Variants in CCDC80 observed in about 807,000 individuals in gnomAD.
CCDC80 encodes coiled-coil domain containing 80.
Under a neutral mutation model 78.7 loss-of-function variants are expected in CCDC80, and 49 were observed. That is an observed-to-expected ratio of 0.62 (90% CI 0.50 to 0.79). The LOEUF is 0.79. Among genes scored for constraint, CCDC80 ranks in the 30% least tolerant of loss-of-function variants. The pLI is 0.00. For missense variants in CCDC80, 1,205 were observed against 1,198.6 expected (o/e 1.01, Z -0.08); for synonymous variants, 488 against 447.0 (o/e 1.09, Z -1.16).
rs182365848 is a variant in CCDC80, at chr3:112,626,306, G to A, written c.2035+3807C>T. Among the ~76,000 whole-genome samples the A allele has an allele frequency of 7.0e-4, 107 of 152,272 alleles. 1 individual carries two copies. Among genetic ancestry groups the A allele is most frequent in the Non-Finnish European group, 3.1e-4 (21 of 68,008 alleles). On this transcript the variant is annotated intron_variant, in intron 3 of 7. Transcript: ENST00000206423. ...TCATCCTGCCTCTCCTCCCAGCTCA[G>A]TGTTGCAGGGTCTAGAGAAGGCAGC...
At position 112,640,455 on chromosome 3, in the gene CCDC80, A is replaced by G. The variant is rs974023811; in HGVS notation, c.-140T>C. ...TCTCTTTACCGAGGGTGAGCAATAC[A>G]AAAGGGGTGTGCTGCAGCTCCAGCT... is the stretch of plus-strand genomic sequence containing the variant. On this transcript the variant is annotated 5_prime_UTR_variant, in exon 1 of 8. Coordinates refer to ENST00000206423, the MANE Select transcript of CCDC80 (RefSeq NM_199511.3). The G allele has an allele frequency of 6.4e-6, 1 of 156,724 alleles. No individual in the cohort carries two copies. The highest frequency in any genetic ancestry group is 1.9e-4 in the East Asian group (1 of 5,270). 9.7% of individuals were successfully genotyped at this position (156,724 alleles called of 1,614,324 possible).
At chr3:112,621,690 T>A (rs948183596) in intron 3 of CCDC80, among the ~76,000 whole-genome samples, 5 of 152,214 alleles carry the variant, frequency 3.3e-5, no homozygotes. Flanking sequence ...AGTTGCTACC[T>A]TCACAACTAA....
chr3:112,611,179 C>G (rs1193941009), intron 5 of CCDC80, among the ~76,000 whole-genome samples: 1 of 152,156 alleles, frequency 6.6e-6, no homozygotes, highest in Non-Finnish European at 1.5e-5. Flanking sequence ...TCCCAAAGTG[C>G]TGGGATTACA....
chr3:112,636,275 A>G (rs1020577755), intron 2 of CCDC80, among the ~76,000 whole-genome samples: 2 of 152,036 alleles, frequency 1.3e-5, no homozygotes, highest in East Asian at 1.9e-4. Context: ...CTGAAATCTG[A>G]TTTCTTTTTT....
chr3:112,601,918 C>G lies in CCDC80; in HGVS notation c.*3499G>C, dbSNP rs1935383089. 2 of 152,058 alleles carry G rather than the reference C, an allele frequency of 1.3e-5. No homozygotes were observed. Among genetic ancestry groups the G allele is most frequent in the Admixed American group, 1.3e-4 (2 of 15,286 alleles). 9.4% of individuals were successfully genotyped at this position (152,058 alleles called of 1,614,324 possible). On this transcript the variant is annotated 3_prime_UTR_variant, in exon 8 of 8. Transcript: ENST00000206423. ...CCTTGTAATTTTTTTTATAAGATGC[C>G]AGTATGGTAATAGGTCCATTAGCAA...
Position 112,631,256 on chromosome 3 carries a change from TC to T in CCDC80, c.1879-988del, listed in dbSNP as rs538578982. 1.4e-4 allele frequency among the ~76,000 whole-genome samples: 22 copies of T among 152,266 alleles called. No individual in the cohort carries two copies. In the East Asian group the frequency reaches 4.3e-3, roughly 29 times the overall value. On this transcript the variant is annotated intron_variant, in intron 2 of 7. Transcript: ENST00000206423. ...CTCCAATTTTACCAATTTTACTCAA[TC>T]CTTGAGCTGAAGCTAGAACTCTGTT...
rs1246264688 is a variant in CCDC80, at chr3:112,604,725, T to C, written c.*692A>G. The stretch of plus-strand genomic sequence containing the variant: ...GCAGCCTACTAGAACTCTGGAAGTA[T>C]CGCCTTTGGCTGCAGTGCCAGATTC... On this transcript the variant is annotated 3_prime_UTR_variant, in exon 8 of 8. Coordinates refer to ENST00000206423, the MANE Select transcript of CCDC80 (RefSeq NM_199511.3). The C allele has an allele frequency of 6.6e-6, 1 of 152,252 alleles. No homozygotes were observed. The highest frequency in any genetic ancestry group is 1.5e-5 in the Non-Finnish European group (1 of 68,052). The allele number at this position is 152,252 out of a possible 1,614,324, so 9.4% of individuals were successfully genotyped here.
chr3:112,608,250 A>G (rs1039981586), intron 6 of CCDC80, among the ~76,000 whole-genome samples: 4 of 152,228 alleles, frequency 2.6e-5, no homozygotes, highest in Admixed American at 6.5e-5. Context: ...ACTAATAATA[A>G]GGTTGTTGGT....
rs1935689296 is a variant in CCDC80 at position 112,614,291 on chromosome 3, T to C, written c.2321+2419A>G. 2.0e-5 allele frequency among the ~76,000 whole-genome samples: 3 copies of C among 152,198 alleles called. No homozygotes were observed. In the South Asian group the frequency reaches 6.2e-4, roughly 31 times the overall value. Reference sequence around the variant, plus strand: ...AGGTTATAAATTGGAAAATAAAATTTCGAAGCCTAATTCAGAAGTTTGGGA... The same window carrying C: ...AGGTTATAAATTGGAAAATAAAATTCCGAAGCCTAATTCAGAAGTTTGGGA... On this transcript the variant is annotated intron_variant, in intron 5 of 7. Coordinates refer to ENST00000206423, the MANE Select transcript of CCDC80 (RefSeq NM_199511.3).
Position 112,609,969 on chromosome 3 carries a change from C to A in CCDC80, c.2425+9G>T. The stretch of plus-strand genomic sequence containing the variant: ...TGGGAAAGCAGTAATGAGGTGGCTT[C>A]CCACTCACCAAAATTGCACGCCTGA... On this transcript the variant is annotated intron_variant, in intron 6 of 7. Coordinates refer to ENST00000206423, the MANE Select transcript of CCDC80 (RefSeq NM_199511.3). 6.2e-7 allele frequency: 1 copy of A among 1,602,210 alleles called. No homozygotes were observed. Among genetic ancestry groups the A allele is most frequent in the Non-Finnish European group, 8.5e-7 (1 of 1,170,500 alleles).
intron 3 of CCDC80, among the ~76,000 whole-genome samples, chr3:112,619,460 T>C (rs1319480888): frequency 1.3e-5 from 2 of 152,290 alleles, no homozygotes; most frequent in African/African-American, 2.4e-5. Flanking sequence ...ACCGGGGAAC[T>C]GGACCGACCC....
chr3:112,618,444 G>A (rs1935796872), intron 4 of CCDC80, among the ~76,000 whole-genome samples: 1 of 152,020 alleles, frequency 6.6e-6, no homozygotes, highest in South Asian at 2.1e-4. Flanking sequence ...GGAGAATGGC[G>A]TGAACCTGGG....
At chr3:112,635,567 C>T (rs1936191317) in intron 2 of CCDC80, among the ~76,000 whole-genome samples, 2 of 152,212 alleles carry the variant, frequency 1.3e-5, no homozygotes, top group African/African-American at 4.8e-5. Context: ...GCTTTGGTAT[C>T]ATGTCTATTT....
rs1471563189 is a variant in CCDC80, at chr3:112,640,963, C to T, written c.-648G>A. ...TTTTCTTCTTCTTTTTCTTCTTTCTCTTGCCTGGATTCAGTCCCAGAAATG... is the reference window on the plus strand; with the variant it reads ...TTTTCTTCTTCTTTTTCTTCTTTCTTTTGCCTGGATTCAGTCCCAGAAATG... On this transcript the variant is annotated 5_prime_UTR_variant, in exon 1 of 8. Transcript: ENST00000206423. 2.0e-5 allele frequency: 3 copies of T among 151,824 alleles called. No individual in the cohort carries two copies. The highest frequency in any genetic ancestry group is 2.9e-5 in the Non-Finnish European group (2 of 67,996). The allele number at this position is 151,824 out of a possible 1,614,324, so 9.4% of individuals were successfully genotyped here. A position where few individuals can be genotyped will look rare whatever the true frequency, so the allele number is the denominator to read the frequency against.
Position 112,603,407 on chromosome 3 carries a change from CAG to C in CCDC80, c.*2008_*2009del, listed in dbSNP as rs1174562004. The C allele has an allele frequency of 1.3e-5, 2 of 148,668 alleles. No homozygotes were observed. The highest frequency in any genetic ancestry group is 6.7e-5 in the Admixed American group (1 of 14,982). The allele number at this position is 148,668 out of a possible 1,614,324, so 9.2% of individuals were successfully genotyped here. A position where few individuals can be genotyped will look rare whatever the true frequency, so the allele number is the denominator to read the frequency against. The stretch of plus-strand genomic sequence containing the variant: ...GTGGGCGCCTGTAAATCCAGCTACT[CAG>C]GGGTCTGAGGCAGGAGAATCACTTG... On this transcript the variant is annotated 3_prime_UTR_variant, in exon 8 of 8. Coordinates refer to ENST00000206423, the MANE Select transcript of CCDC80 (RefSeq NM_199511.3).
intron 7 of CCDC80, among the ~76,000 whole-genome samples, chr3:112,606,457 G>C (rs1935499943): frequency 6.6e-6 from 1 of 151,560 alleles, no homozygotes; most frequent in Non-Finnish European, 1.5e-5. Context: ...ATGGAGTCTT[G>C]CTCTGTCACC....
At position 112,618,968 on chromosome 3, in the gene CCDC80, C is replaced by T. The variant is rs763561315; in HGVS notation, c.2172G>A (p.Lys724=). Residue 724 remains lysine, a splice_region_variant and synonymous_variant, in exon 4 of 8, where the codon AAG becomes AAA. Coordinates refer to ENST00000206423, the MANE Select transcript of CCDC80 (RefSeq NM_199511.3). ...CATTATTCAGAATAAGAAACTGTACCTTGACTCTCAGATCCACATCTGTTA... is the reference window on the plus strand; with the variant it reads ...CATTATTCAGAATAAGAAACTGTACTTTGACTCTCAGATCCACATCTGTTA... The part of the protein sequence containing the change: ...MVLTDVDLRV[K]QYYEVPITMK... The T allele has an allele frequency of 6.2e-7, 1 of 1,613,616 alleles. No homozygotes were observed. Among genetic ancestry groups the T allele is most frequent in the Non-Finnish European group, 8.5e-7 (1 of 1,179,830 alleles).
intron 2 of CCDC80, 144 bp from the exon 3 acceptor site, chr3:112,630,413 A>T: frequency 1.3e-6 from 1 of 769,846 alleles, no homozygotes; most frequent in Non-Finnish European, 2.1e-6. Flanking sequence ...TAGCATAATT[A>T]GGACCAAAAA....
chr3:112,636,254 A>G, intron 2 of CCDC80, among the ~76,000 whole-genome samples: 1 of 152,206 alleles, frequency 6.6e-6, no homozygotes, highest in East Asian at 1.9e-4. Context: ...AGTATCAGGT[A>G]GAGTTTTACT....
Sources: gnomAD v4.1 joint callset for allele counts (sites outside exome capture counted in the v4.1 genomes callset) on GRCh38, gnomAD v4.1.1 for gene constraint, MANE v1.5 for transcripts, NCBI Gene and HGNC (gene_info 2026-07-23, HGNC 2026-07-21) for gene names.